The following LRP1B variants were observed in gnomAD, a reference collection of about 807,000 sequenced individuals.
The protein encoded by LRP1B is LDL receptor related protein 1B.
A neutral mutation model predicts 556.6 loss-of-function variants in LRP1B; 217 were observed. The observed-to-expected ratio is 0.39, with a 90% CI of 0.35 to 0.44. The LOEUF (loss-of-function observed/expected upper bound fraction) is 0.44, where lower values mean the gene tolerates loss of function less well. LRP1B is among the 20% of genes least tolerant of loss of function. LRP1B has a pLI of 1.00. For missense variants in LRP1B, 5,053 were observed against 5,620.8 expected (o/e 0.90, Z 3.23); for synonymous variants, 2,047 against 1,865.8 (o/e 1.10, Z -2.50).
At chr2:141,683,271 A>T (rs1337598680) in intron 2 of LRP1B, among the ~76,000 whole-genome samples, 2 of 152,182 alleles carry the variant, frequency 1.3e-5, no homozygotes, top group Non-Finnish European at 2.9e-5. Context: ...ATTTCTTTGA[A>T]CAGGCTGTTA....
chr2:141,951,530 C>A (rs1701105239), intron 1 of LRP1B, among the ~76,000 whole-genome samples: 1 of 152,040 alleles, frequency 6.6e-6, no homozygotes, highest in Admixed American at 6.6e-5. Flanking sequence ...AATGTTAAAA[C>A]CTGTAATTAT....
At position 140,750,888 on chromosome 2, in the gene LRP1B, T is replaced by A. The variant is rs188599558; in HGVS notation, c.5758+18325A>T. On this transcript the variant is annotated intron_variant, in intron 35 of 90. Transcript: ENST00000389484. ...GTCTTGAAATGCTGCCTCTATTGAA[T>A]GAAGAACATTTTCCCAGTAAACTGA... Among the ~76,000 whole-genome samples the A allele has an allele frequency of 2.0e-5, 3 of 152,120 alleles. No individual in the cohort carries two copies. The East Asian group carries it at 5.8e-4, about 29-fold the overall frequency.
At chr2:141,446,844 G>GT (rs1185913641) in intron 3 of LRP1B, among the ~76,000 whole-genome samples, 1 of 152,062 alleles carries the variant, frequency 6.6e-6, no homozygotes, top group Non-Finnish European at 1.5e-5. Flanking sequence ...TGCCTTTAAT[G>GT]TTTTTTCCTT....
chr2:141,276,149 A>AT (rs1161833314), intron 3 of LRP1B, among the ~76,000 whole-genome samples: 2 of 152,046 alleles, frequency 1.3e-5, no homozygotes, highest in Non-Finnish European at 2.9e-5. Flanking sequence ...AAAGTATTTT[A>AT]TTTTTTATTT....
intron 1 of LRP1B, among the ~76,000 whole-genome samples, chr2:142,080,813 C>T (rs1705685268): frequency 6.6e-6 from 1 of 152,170 alleles, no homozygotes; most frequent in Non-Finnish European, 1.5e-5. Context: ...ACACTTACCA[C>T]AGGTAAAACA....
chr2:141,970,247 T>C (rs183165827), intron 1 of LRP1B, among the ~76,000 whole-genome samples: 3 of 151,790 alleles, frequency 2.0e-5, no homozygotes, highest in African/African-American at 7.2e-5. Context: ...TACTCTGTTA[T>C]TGTTGACATT....
chr2:140,756,504 G>C (rs558769429), intron 35 of LRP1B, among the ~76,000 whole-genome samples: 2 of 152,144 alleles, frequency 1.3e-5, no homozygotes, highest in East Asian at 3.9e-4. Flanking sequence ...CAATGAGATA[G>C]AATTTAGATA....
chr2:141,351,944 C>T (rs1044750135), intron 3 of LRP1B, among the ~76,000 whole-genome samples: 1 of 151,728 alleles, frequency 6.6e-6, no homozygotes, highest in African/African-American at 2.4e-5. Context: ...TCAGTAAAAA[C>T]AAAAACATCC....
At chr2:140,852,435 A>AC (rs1342696014) in intron 27 of LRP1B, among the ~76,000 whole-genome samples, 5 of 152,222 alleles carry the variant, frequency 3.3e-5, no homozygotes, top group African/African-American at 1.2e-4. Flanking sequence ...ATAGACTATA[A>AC]CCCAGACATT....
At chr2:141,035,376 A>AATAAT (rs1558815116) in intron 11 of LRP1B, among the ~76,000 whole-genome samples, 1 of 141,590 alleles carries the variant, frequency 7.1e-6, no homozygotes, top group Non-Finnish European at 1.5e-5. Context: ...ATAATAATAA[A>AATAAT]AAAATCTTTT....
At chr2:140,872,900 GCAT>G (rs959302657) in intron 25 of LRP1B, among the ~76,000 whole-genome samples, 30 of 151,478 alleles carry the variant, frequency 2.0e-4, no homozygotes, top group African/African-American at 7.2e-4. Flanking sequence ...CTATCAGCAA[GCAT>G]AATATGTTTA....
intron 2 of LRP1B, among the ~76,000 whole-genome samples, chr2:141,514,541 G>A (rs755229182): frequency 5.3e-5 from 8 of 152,154 alleles, no homozygotes; most frequent in East Asian, 1.9e-4. Context: ...AGTGGCTATC[G>A]TGGTAGATAT....
At chr2:140,611,154 G>A (rs930589526) in intron 41 of LRP1B, among the ~76,000 whole-genome samples, 1 of 152,104 alleles carries the variant, frequency 6.6e-6, no homozygotes. Flanking sequence ...TAGGAATTAT[G>A]TGAGTGAGTT....
chr2:140,851,491 A>T (rs1479251481), intron 28 of LRP1B, among the ~76,000 whole-genome samples, 161 bp downstream of exon 28: 2 of 152,232 alleles, frequency 1.3e-5, no homozygotes, highest in African/African-American at 2.4e-5. Flanking sequence ...AGAGCAGATG[A>T]ATCATCAATA....
At chr2:141,423,545 C>T (rs979149317) in intron 3 of LRP1B, among the ~76,000 whole-genome samples, 1 of 152,072 alleles carries the variant, frequency 6.6e-6, no homozygotes, top group South Asian at 2.1e-4. Context: ...GTGAAGGAAG[C>T]CTACTCACCT....
intron 2 of LRP1B, among the ~76,000 whole-genome samples, chr2:141,591,981 A>C (rs896928076): frequency 6.6e-6 from 1 of 152,134 alleles, no homozygotes; most frequent in African/African-American, 2.4e-5. Flanking sequence ...CTTTCAAATC[A>C]CGTGACCTGG....
intron 1 of LRP1B, among the ~76,000 whole-genome samples, chr2:141,855,496 CTGCCAAGCTCATACA>C (rs1698021291): frequency 6.6e-6 from 1 of 152,128 alleles, no homozygotes; most frequent in Non-Finnish European, 1.5e-5. Flanking sequence ...TCAATGTAAT[CTGCCAAGCTCATACA>C]TGCTTTAGGT....
intron 1 of LRP1B, among the ~76,000 whole-genome samples, chr2:142,123,985 C>A (rs1031643964): frequency 6.6e-6 from 1 of 151,812 alleles, no homozygotes; most frequent in South Asian, 2.1e-4. Context: ...GTAGACAATA[C>A]ATCATTATTA....
intron 3 of LRP1B, among the ~76,000 whole-genome samples, chr2:141,256,819 T>C (rs1342433301): frequency 4.6e-5 from 7 of 151,628 alleles, no homozygotes; most frequent in African/African-American, 1.7e-4. Flanking sequence ...TGAAGAGAAG[T>C]CTGTAGTGGA....
Sources: gnomAD v4.1 joint callset for allele counts (sites outside exome capture counted in the v4.1 genomes callset) on GRCh38, gnomAD v4.1.1 for gene constraint, MANE v1.5 for transcripts, NCBI Gene and HGNC (gene_info 2026-07-23, HGNC 2026-07-21) for gene names.